Variants in IRF2 observed in about 807,000 individuals in gnomAD.
The protein encoded by IRF2 is interferon regulatory factor 2.
In IRF2, 15 loss-of-function variants were observed where a neutral mutation model predicts 40.6. The observed-to-expected ratio is 0.37, with a 90% CI of 0.25 to 0.57. The LOEUF (loss-of-function observed/expected upper bound fraction) is 0.57. Among genes scored for constraint, IRF2 ranks in the 20% least tolerant of loss-of-function variants. The pLI is 0.77. For missense variants in IRF2, 317 were observed against 455.7 expected, an observed-to-expected ratio of 0.70 and a Z score of 2.77; for synonymous variants, 151 against 165.5, an observed-to-expected ratio of 0.91 and a Z score of 0.67.
In IRF2 at chr4:184,448,302, AC is replaced by A. The variant is rs1738588870; in HGVS notation, c.-6-19233del. ...CTGGCGGTTTATTCGTCCTCCGTGC[AC>A]CAGGATGGTATTAATAAGCACATGC... On this transcript the variant is annotated intron_variant, in intron 1 of 8. Coordinates refer to ENST00000393593, the MANE Select transcript of IRF2 (RefSeq NM_002199.4). This position sits in a 1 kb window ranked among gnomAD's most constrained non-coding sequence, Gnocchi z 4.3. 6.6e-6 allele frequency among the ~76,000 whole-genome samples: 1 copy of A among 152,188 alleles called. No homozygotes were observed. Among genetic ancestry groups the A allele is most frequent in the Non-Finnish European group, 1.5e-5 (1 of 68,036 alleles).
intron 1 of IRF2, among the ~76,000 whole-genome samples, chr4:184,458,763 C>G (rs796990): frequency 0.45 from 67,679 of 151,974 alleles, 15,572 homozygotes; most frequent in African/African-American, 0.56. Context: ...CAAAAGGATT[C>G]AGCAAAACGA....
chr4:184,428,687 T>C (rs1214954505), intron 2 of IRF2: 2 of 490,640 alleles, frequency 4.1e-6, no homozygotes, highest in East Asian at 1.1e-4. Context: ...TAGTTCCAGC[T>C]ACTCTGGAGG....
Position 184,403,243 on chromosome 4 carries a change from C to T in IRF2, c.530-4164G>A, listed in dbSNP as rs544057108. On this transcript the variant is annotated intron_variant, in intron 6 of 8. Transcript: ENST00000393593. ...CGAAATGCTCTCAGATGAGCATCAA[C>T]ACTCTCACTAACCAGTCTCTATCTG... Among the ~76,000 whole-genome samples, 6 of 152,286 alleles carry T rather than the reference C, an allele frequency of 3.9e-5. No homozygotes were observed. In the South Asian group the frequency reaches 1.0e-3, roughly 26 times the overall value.
At chr4:184,396,264 T>C (rs1736450779) in intron 7 of IRF2, among the ~76,000 whole-genome samples, 1 of 152,154 alleles carries the variant, frequency 6.6e-6, no homozygotes, top group Non-Finnish European at 1.5e-5. Flanking sequence ...GTGGCTGTGT[T>C]CTGAACGGCA....
At chr4:184,428,061 T>C (rs978484007) in intron 2 of IRF2, among the ~76,000 whole-genome samples, 16 of 152,228 alleles carry the variant, frequency 1.1e-4, no homozygotes, top group Admixed American at 2.6e-4. Context: ...CATTATCTCT[T>C]TCTGATTCAC....
chr4:184,399,425 C>A (rs1056306314), intron 6 of IRF2, among the ~76,000 whole-genome samples: 4 of 152,242 alleles, frequency 2.6e-5, no homozygotes, highest in Non-Finnish European at 5.9e-5. Flanking sequence ...CAGGGCCAGA[C>A]ATGACAGTAC....
chr4:184,408,215 A>C lies in IRF2; in HGVS notation c.472T>G (p.Tyr158Asp), dbSNP rs1376425543. Residue 158 changes from tyrosine to aspartate, a missense_variant, in exon 6 of 9, where the codon TAT (tyrosine) becomes GAT (aspartate). Transcript: ENST00000393593. The surrounding 1 kb of genome is among the most constrained non-coding windows in gnomAD (Gnocchi z 4.9). ...SNGVSDLSPE[Y>D]AVLTSTIKNE... ...TTTATAGTTGAAGTCAGGACCGCAT[A>C]CTCAGGAGAAAGATCACTTACTCCA... The C allele has an allele frequency of 2.5e-6, 4 of 1,613,538 alleles. No individual in the cohort carries two copies. Among genetic ancestry groups the C allele is most frequent in the Non-Finnish European group, 3.4e-6 (4 of 1,179,404 alleles).
At chr4:184,442,465 T>G (rs1204497559) in intron 1 of IRF2, among the ~76,000 whole-genome samples, 1 of 152,182 alleles carries the variant, frequency 6.6e-6, no homozygotes, top group Non-Finnish European at 1.5e-5. Context: ...CAGGGTCTTT[T>G]GAAGGCAGAA....
chr4:184,457,764 TG>T (rs1481012950), intron 1 of IRF2, among the ~76,000 whole-genome samples: 1 of 152,040 alleles, frequency 6.6e-6, no homozygotes. Flanking sequence ...GGTGCACAGC[TG>T]CGACACGCCC....
chr4:184,404,743 A>G (rs793768), intron 6 of IRF2, among the ~76,000 whole-genome samples: 151,399 of 152,294 alleles, frequency 0.99, 75,258 homozygotes, highest in East Asian at 1. Context: ...GGGAGAGAAG[A>G]TCACCGCGGG....
chr4:184,432,087 A>C (rs1282972218), intron 1 of IRF2: 1 of 152,254 alleles, frequency 6.6e-6, no homozygotes, highest in African/African-American at 2.4e-5. Context: ...CAAAGCACCA[A>C]GACAAAAAAC....
At chr4:184,396,696 AG>A (rs2149892352) in intron 7 of IRF2, among the ~76,000 whole-genome samples, 1 of 152,072 alleles carries the variant, frequency 6.6e-6, no homozygotes, top group African/African-American at 2.4e-5. Flanking sequence ...TCAGCCTTCC[AG>A]TGCAGGGATT....
At chr4:184,473,074 G>C (rs1410922882) in intron 1 of IRF2, among the ~76,000 whole-genome samples, 14 of 152,124 alleles carry the variant, frequency 9.2e-5, no homozygotes, top group African/African-American at 3.4e-4. Context: ...GGGAGCAGGC[G>C]GGCGCCGCGA....
chr4:184,390,021 C>T (rs1401180913), intron 8 of IRF2, among the ~76,000 whole-genome samples: 1 of 152,124 alleles, frequency 6.6e-6, no homozygotes, highest in Admixed American at 6.5e-5. Flanking sequence ...TTTCAGAATC[C>T]CTGCACTTTT....
At chr4:184,455,134 C>G (rs1486025349) in intron 1 of IRF2, among the ~76,000 whole-genome samples, 2 of 152,028 alleles carry the variant, frequency 1.3e-5, no homozygotes, top group East Asian at 1.9e-4. Context: ...AATCTGGACT[C>G]CTGGCCACCA....
At chr4:184,403,595 A>T (rs1736746096) in intron 6 of IRF2, among the ~76,000 whole-genome samples, 1 of 151,320 alleles carries the variant, frequency 6.6e-6, no homozygotes. Context: ...ATTCAAGGTC[A>T]GACAGACAAT....
intron 1 of IRF2, among the ~76,000 whole-genome samples, chr4:184,435,252 A>C (rs1738035912): frequency 6.6e-6 from 1 of 152,192 alleles, no homozygotes; most frequent in Non-Finnish European, 1.5e-5. Flanking sequence ...TTTAGAAAGC[A>C]CTGAGTTATG....
intron 1 of IRF2, among the ~76,000 whole-genome samples, chr4:184,434,866 C>T (rs575811202): frequency 2.8e-4 from 43 of 152,264 alleles, no homozygotes; most frequent in African/African-American, 1.0e-3. Flanking sequence ...TTACAGAGCA[C>T]CTACTATGTG....
intron 1 of IRF2, among the ~76,000 whole-genome samples, chr4:184,445,135 G>A (rs73874649): frequency 1.1e-4 from 17 of 152,262 alleles, no homozygotes; most frequent in Admixed American, 1.3e-4. Flanking sequence ...CAGAGCATGC[G>A]CCGGGCTGAC....
Sources: allele counts gnomAD v4.1 joint callset (sites outside exome capture counted in the v4.1 genomes callset), GRCh38; gene constraint gnomAD v4.1.1; non-coding constraint Gnocchi (gnomAD v3.1); transcripts MANE v1.5; gene names NCBI Gene and HGNC (gene_info 2026-07-23, HGNC 2026-07-21).